The following CAB39L variants were observed in gnomAD, a reference collection of about 807,000 sequenced individuals.
CAB39L encodes the protein calcium-binding protein 39-like.
In CAB39L, 23 loss-of-function variants were observed where a neutral mutation model predicts 39.1. That is an observed-to-expected ratio of 0.59 (90% CI 0.42 to 0.83). The LOEUF (loss-of-function observed/expected upper bound fraction) is 0.83. CAB39L is among the 40% of genes least tolerant of loss of function. CAB39L has a pLI of 0.00. For synonymous variants in CAB39L, 126 were observed against 137.2 expected (o/e 0.92, Z 0.57); for missense variants, 366 against 391.9 (o/e 0.93, Z 0.56).
chr13:49,331,890 T>C (rs1314942128), intron 10 of CAB39L, 57 bp downstream of exon 10: 2 of 1,561,750 alleles, frequency 1.3e-6, no homozygotes, highest in Middle Eastern at 1.7e-4. Context: ...GAGTTTGCCA[T>C]TTGGAACTGG....
chr13:49,319,884 A>G (rs1954296380), intron 10 of CAB39L, among the ~76,000 whole-genome samples: 1 of 152,152 alleles, frequency 6.6e-6, no homozygotes, highest in Non-Finnish European at 1.5e-5. Context: ...TTGCAAACCA[A>G]AATAATAGAC....
chr13:49,379,839 A>C (rs1197461743), intron 4 of CAB39L, among the ~76,000 whole-genome samples: 1 of 151,718 alleles, frequency 6.6e-6, no homozygotes, highest in East Asian at 1.9e-4. Context: ...CATACACTAA[A>C]TAATCTTTTT....
At chr13:49,440,975 C>T (rs911356262) in intron 1 of CAB39L, among the ~76,000 whole-genome samples, 4 of 151,890 alleles carry the variant, frequency 2.6e-5, no homozygotes, top group Non-Finnish European at 1.5e-5. Flanking sequence ...TATGTGGATG[C>T]CTTTTGTTTC....
At chr13:49,369,390 C>T (rs1955853583) in intron 5 of CAB39L, among the ~76,000 whole-genome samples, 1 of 152,188 alleles carries the variant, frequency 6.6e-6, no homozygotes, top group Non-Finnish European at 1.5e-5. Flanking sequence ...TAAAAAGCAA[C>T]AGACTCCTAA....
chr13:49,317,446 A>G (rs770240736), intron 10 of CAB39L, among the ~76,000 whole-genome samples: 37 of 152,176 alleles, frequency 2.4e-4, no homozygotes, highest in South Asian at 6.2e-4. Flanking sequence ...GGGAGGATCA[A>G]TTGAGCCTGG....
intron 9 of CAB39L, among the ~76,000 whole-genome samples, chr13:49,334,964 T>A (rs1377563339): frequency 6.6e-6 from 1 of 152,168 alleles, no homozygotes; most frequent in Non-Finnish European, 1.5e-5. Context: ...TAATAAAACT[T>A]CTCTTATCTC....
At chr13:49,397,014 T>A (rs753578464) in intron 3 of CAB39L, among the ~76,000 whole-genome samples, 1 of 152,182 alleles carries the variant, frequency 6.6e-6, no homozygotes, top group African/African-American at 2.4e-5. Context: ...CCAAAAAACA[T>A]AATTTAGAAT....
chr13:49,337,616 C>A (rs1388729987), intron 9 of CAB39L, among the ~76,000 whole-genome samples: 1 of 152,104 alleles, frequency 6.6e-6, no homozygotes, highest in African/African-American at 2.4e-5. Flanking sequence ...TTTCACACAA[C>A]ACACACATAC....
intron 4 of CAB39L, among the ~76,000 whole-genome samples, chr13:49,381,490 T>G (rs1406113370): frequency 1.3e-5 from 2 of 152,166 alleles, no homozygotes; most frequent in African/African-American, 4.8e-5. Flanking sequence ...ATGTAAATAT[T>G]TTTATATCTC....
chr13:49,315,303 A>G (rs1954124315), intron 10 of CAB39L, among the ~76,000 whole-genome samples: 1 of 152,068 alleles, frequency 6.6e-6, no homozygotes, highest in South Asian at 2.1e-4. Flanking sequence ...CAGTGAGCCC[A>G]CCGCTCAGCC....
intron 3 of CAB39L, among the ~76,000 whole-genome samples, chr13:49,402,415 G>A (rs1324321277): frequency 1.3e-5 from 2 of 152,106 alleles, no homozygotes; most frequent in Non-Finnish European, 2.9e-5. Flanking sequence ...AATACGTGCT[G>A]GCTCTGTATG....
At chr13:49,406,806 T>G (rs1956890364) in intron 3 of CAB39L, among the ~76,000 whole-genome samples, 1 of 152,190 alleles carries the variant, frequency 6.6e-6, no homozygotes, top group Non-Finnish European at 1.5e-5. Context: ...CACAGTAACA[T>G]AATGATATAT....
intron 10 of CAB39L, among the ~76,000 whole-genome samples, chr13:49,327,053 T>C (rs1402358126): frequency 6.6e-6 from 1 of 152,208 alleles, no homozygotes; most frequent in Non-Finnish European, 1.5e-5. Flanking sequence ...TGAAACTTTT[T>C]ATGAAATAAT....
chr13:49,367,464 A>G (rs1955803839), intron 5 of CAB39L, among the ~76,000 whole-genome samples: 1 of 152,250 alleles, frequency 6.6e-6, no homozygotes, highest in Admixed American at 6.5e-5. Context: ...GCAGTTCCTG[A>G]AACAGCTAAA....
intron 10 of CAB39L, among the ~76,000 whole-genome samples, chr13:49,316,242 T>C (rs1399375719): frequency 1.3e-5 from 2 of 152,106 alleles, no homozygotes; most frequent in African/African-American, 2.4e-5. Context: ...ACCTAGATGA[T>C]GACATGGCCA....
At position 49,361,194 on chromosome 13, in the gene CAB39L, A is replaced by G. The variant is rs190688167; in HGVS notation, c.277-1362T>C. Among the ~76,000 whole-genome samples, 28 of 152,098 alleles carry G rather than the reference A, an allele frequency of 1.8e-4. No individual in the cohort carries two copies. The East Asian group carries it at 5.0e-3, about 27-fold the overall frequency. ...TTTGCTTAGAAAAAAGTCCAATACAAAAAGGCCAGGCGCAGTGGCTCACGC... is the reference window on the plus strand; with the variant it reads ...TTTGCTTAGAAAAAAGTCCAATACAGAAAGGCCAGGCGCAGTGGCTCACGC... On this transcript the variant is annotated intron_variant, in intron 5 of 10. Transcript: ENST00000409308.
intron 9 of CAB39L, among the ~76,000 whole-genome samples, chr13:49,336,282 G>A (rs7334549): frequency 0.98 from 149,953 of 152,270 alleles, 73,838 homozygotes; most frequent in East Asian, 1. Context: ...AAAAAAACCA[G>A]CTCTCCAGTA....
At chr13:49,394,107 A>G (rs746760974) in intron 3 of CAB39L, among the ~76,000 whole-genome samples, 5 of 151,928 alleles carry the variant, frequency 3.3e-5, no homozygotes, top group Non-Finnish European at 1.5e-5. Context: ...ATTTCTATAG[A>G]TAAATAATAA....
At chr13:49,312,731 C>G (rs919535305) in intron 10 of CAB39L, among the ~76,000 whole-genome samples, 2 of 152,218 alleles carry the variant, frequency 1.3e-5, no homozygotes, top group African/African-American at 4.8e-5. Context: ...TGGGAGCTAT[C>G]TATGAACATT....
Sources: gnomAD v4.1 joint callset for allele counts (sites outside exome capture counted in the v4.1 genomes callset) on GRCh38, gnomAD v4.1.1 for gene constraint, MANE v1.5 for transcripts, NCBI Gene and HGNC (gene_info 2026-07-23, HGNC 2026-07-21) for gene names.